The following YME1L1 variants were observed in gnomAD, a reference collection of about 807,000 sequenced individuals.
The protein encoded by YME1L1 is YME1 like 1 ATPase.
A neutral mutation model predicts 90.4 loss-of-function variants in YME1L1; 39 were observed. That is an observed-to-expected ratio of 0.43 (90% CI 0.33 to 0.56). The LOEUF (loss-of-function observed/expected upper bound fraction) is 0.56, where lower values mean the gene tolerates loss of function less well. Ranked by LOEUF, YME1L1 falls within the 20% of genes least tolerant of loss-of-function variation. The pLI is 0.03. For missense variants in YME1L1, 617 were observed against 868.4 expected (o/e 0.71, Z 3.64); for synonymous variants, 284 against 287.3 (o/e 0.99, Z 0.12).
At chr10:27,125,314 C>T (rs1334243073) in intron 9 of YME1L1, among the ~76,000 whole-genome samples, 2 of 151,858 alleles carry the variant, frequency 1.3e-5, no homozygotes, top group Non-Finnish European at 2.9e-5. Flanking sequence ...TCATGTTAAC[C>T]ATGAGAAAAC....
chr10:27,111,902 T>C lies in YME1L1; in HGVS notation c.*75A>G. 1.3e-6 allele frequency: 2 copies of C among 1,543,916 alleles called. No individual in the cohort carries two copies. Among genetic ancestry groups the C allele is most frequent in the African/African-American group, 1.4e-5 (1 of 73,592 alleles). ...CCACATCAAGAATGAGGGGAAAGCG[T>C]TGTAAAAGTAGACTACTGCAATGCT... On this transcript the variant is annotated 3_prime_UTR_variant, in exon 19 of 19. Transcript: ENST00000376016.
Position 27,126,727 on chromosome 10 carries a change from T to C in YME1L1, c.918A>G (p.Lys306=), listed in dbSNP as rs778527914. 6.3e-7 allele frequency: 1 copy of C among 1,584,548 alleles called. No homozygotes were observed. The highest frequency in any genetic ancestry group is 8.6e-7 in the Non-Finnish European group (1 of 1,166,578). ...GAAGTTTACCTCCAAGAATAGTAAA[T>C]TTTTGTGGATTTTTCAAGAATTCAA... ...EVVEFLKNPQ[K]FTILGGKLPK... Residue 306 remains lysine (K), a synonymous_variant, in exon 9 of 19, where the codon AAA becomes AAG. Coordinates refer to ENST00000376016, the MANE Select transcript of YME1L1 (RefSeq NM_014263.4).
intron 3 of YME1L1, among the ~76,000 whole-genome samples, chr10:27,144,016 T>C (rs1026067611): frequency 6.6e-6 from 1 of 152,192 alleles, no homozygotes; most frequent in Non-Finnish European, 1.5e-5. Context: ...AAACAGTGGC[T>C]ATCATCTATT....
chr10:27,151,114 A>G (rs1016457776), intron 1 of YME1L1, among the ~76,000 whole-genome samples: 25 of 151,974 alleles, frequency 1.6e-4, no homozygotes, highest in African/African-American at 5.5e-4. Flanking sequence ...TTTAGTAGAG[A>G]TGGAGTTTCA....
At position 27,124,836 on chromosome 10, in the gene YME1L1, CTCA is replaced by C. The variant is rs550559090; in HGVS notation, c.950-1140_950-1138del. Among the ~76,000 whole-genome samples, 48 of 152,158 alleles carry C rather than the reference CTCA, an allele frequency of 3.2e-4. No homozygotes were observed. In the South Asian group the frequency reaches 6.2e-3, roughly 20 times the overall value. Reference sequence around the variant, plus strand: ...CTGATATGGGCTTTTCCAGTGTTTTCTCATGATTGTATTGAGATTGTGCTCTTT... The same window carrying C: ...CTGATATGGGCTTTTCCAGTGTTTTCTGATTGTATTGAGATTGTGCTCTTT... On this transcript the variant is annotated intron_variant, in intron 9 of 18. Transcript: ENST00000376016.
At chr10:27,151,040 C>T (rs1030258937) in intron 1 of YME1L1, among the ~76,000 whole-genome samples, 2 of 151,068 alleles carry the variant, frequency 1.3e-5, no homozygotes, top group Admixed American at 6.6e-5. Flanking sequence ...ATTCTCCTGC[C>T]TCAGCCTCCC....
chr10:27,122,701 T>G lies in YME1L1; in HGVS notation c.1235+140A>C, dbSNP rs1241486613. 3 of 1,158,162 alleles carry G rather than the reference T, an allele frequency of 2.6e-6. No homozygotes were observed. In the Admixed American group the frequency reaches 8.2e-5, roughly 32 times the overall value. 71.7% of individuals were successfully genotyped at this position (1,158,162 alleles called of 1,614,324 possible). A position where few individuals can be genotyped will look rare whatever the true frequency, so the allele number is the denominator to read the frequency against. ...CTTGAGTTCTTGCATGAGGGACTAC[T>G]CTGTTTCCTATACACATCACATTTT... On this transcript the variant is annotated intron_variant, in intron 11 of 18. Coordinates refer to ENST00000376016, the MANE Select transcript of YME1L1 (RefSeq NM_014263.4).
chr10:27,122,747 T>A (rs1246005878), intron 11 of YME1L1, 94 bp downstream of exon 11: 6 of 1,520,076 alleles, frequency 3.9e-6, no homozygotes, highest in Non-Finnish European at 4.5e-6. Flanking sequence ...AGATATGAAA[T>A]GCCTTATGGA....
At chr10:27,118,203 T>C (rs1414337946) in intron 14 of YME1L1, among the ~76,000 whole-genome samples, 3 of 152,184 alleles carry the variant, frequency 2.0e-5, no homozygotes, top group Non-Finnish European at 2.9e-5. Flanking sequence ...CTTGAACTCT[T>C]AGCCTCAAGC....
intron 9 of YME1L1, among the ~76,000 whole-genome samples, chr10:27,126,100 A>G (rs2056916713): frequency 6.6e-6 from 1 of 152,112 alleles, no homozygotes; most frequent in East Asian, 1.9e-4. Flanking sequence ...TTATTTACAA[A>G]TAATTTTTAT....
chr10:27,142,359 T>TC (rs780043446), intron 4 of YME1L1, 28 bp downstream of exon 4: 87 of 1,269,266 alleles, frequency 6.9e-5, no homozygotes, highest in Middle Eastern at 2.0e-4. Flanking sequence ...TATTTTTTTT[T>TC]CCACAATTTA....
At chr10:27,139,229 C>T (rs893103991) in intron 4 of YME1L1, among the ~76,000 whole-genome samples, 1 of 151,908 alleles carries the variant, frequency 6.6e-6, no homozygotes, top group Non-Finnish European at 1.5e-5. Context: ...TAGGATCTTG[C>T]TGTCACTCAA....
At chr10:27,120,771 G>A (rs984260619) in intron 12 of YME1L1, among the ~76,000 whole-genome samples, 1 of 152,124 alleles carries the variant, frequency 6.6e-6, no homozygotes, top group Non-Finnish European at 1.5e-5. Context: ...TGTGTACCTA[G>A]GTAGCCTACC....
Position 27,123,505 on chromosome 10 carries a change from T to C in YME1L1, c.1102+42A>G, listed in dbSNP as rs759398827. On this transcript the variant is annotated intron_variant, in intron 10 of 18. Transcript: ENST00000376016. Reference sequence around the variant, plus strand: ...GAAAGGGTAAGATACACACTTCCCTTAACAAAATTTAGCACTGCATCAAAG... The same window carrying C: ...GAAAGGGTAAGATACACACTTCCCTCAACAAAATTTAGCACTGCATCAAAG... 5 of 1,592,188 alleles carry C rather than the reference T, an allele frequency of 3.1e-6. No homozygotes were observed. The African/African-American group carries it at 4.1e-5, about 13-fold the overall frequency.
chr10:27,153,594 G>T (rs2057261117), intron 1 of YME1L1, among the ~76,000 whole-genome samples: 1 of 152,072 alleles, frequency 6.6e-6, no homozygotes, highest in African/African-American at 2.4e-5. Flanking sequence ...TTTACAAAAC[G>T]ATGAGGATGA....
intron 4 of YME1L1, among the ~76,000 whole-genome samples, chr10:27,141,889 A>G (rs190476493): frequency 6.6e-6 from 1 of 152,180 alleles, no homozygotes; most frequent in Non-Finnish European, 1.5e-5. Context: ...TTTCATTTAC[A>G]GTGATCACTA....
intron 4 of YME1L1, among the ~76,000 whole-genome samples, chr10:27,138,976 AAAT>A (rs1402156029): frequency 2.6e-5 from 4 of 152,172 alleles, no homozygotes; most frequent in South Asian, 2.1e-4. Flanking sequence ...TCATACATTG[AAAT>A]AATGATATTT....
At chr10:27,144,327 T>G (rs188793308) in intron 3 of YME1L1, among the ~76,000 whole-genome samples, 111 of 152,328 alleles carry the variant, frequency 7.3e-4, no homozygotes, top group Non-Finnish European at 1.3e-3. Context: ...ACCATTTCAT[T>G]TTTTCCTCAC....
chr10:27,123,019 CT>C, intron 10 of YME1L1, 46 bp from the exon 11 acceptor site: 2 of 1,583,458 alleles, frequency 1.3e-6, no homozygotes. Context: ...AAAGTCAACA[CT>C]TTTGAACAAA....
Sources: gnomAD v4.1 joint callset for allele counts (sites outside exome capture counted in the v4.1 genomes callset) on GRCh38, gnomAD v4.1.1 for gene constraint, MANE v1.5 for transcripts, NCBI Gene and HGNC (gene_info 2026-07-23, HGNC 2026-07-21) for gene names.